Variants in ALMS1 observed in about 807,000 individuals in gnomAD.
ALMS1 encodes the protein centrosome-associated protein ALMS1.
In ALMS1, 271 loss-of-function variants were observed where a neutral mutation model predicts 352.2. That is an observed-to-expected ratio of 0.77 (90% CI 0.70 to 0.85). The LOEUF (loss-of-function observed/expected upper bound fraction) is 0.85, where lower values mean the gene tolerates loss of function less well. ALMS1 is among the 40% of genes least tolerant of loss of function. The pLI, the probability that ALMS1 is intolerant of heterozygous loss-of-function variation, is 0.00. For missense variants in ALMS1, 5,445 were observed against 4,870.7 expected (o/e 1.12, Z -3.51); for synonymous variants, 1,865 against 1,761.2 (o/e 1.06, Z -1.48).
At chr2:73,440,814 T>C (rs548251341) in intron 7 of ALMS1, among the ~76,000 whole-genome samples, 21 of 152,364 alleles carry the variant, frequency 1.4e-4, no homozygotes, top group African/African-American at 4.3e-4. Context: ...GATATTATGT[T>C]AGGAGACTTT....
chr2:73,482,564 C>G (rs1672734111), intron 9 of ALMS1, among the ~76,000 whole-genome samples: 1 of 152,096 alleles, frequency 6.6e-6, no homozygotes, highest in African/African-American at 2.4e-5. Context: ...CTCTGCCTGG[C>G]TTTGGTATCA....
intron 2 of ALMS1, among the ~76,000 whole-genome samples, chr2:73,409,820 A>G (rs7558613): frequency 0.044 from 6,719 of 152,274 alleles, 370 homozygotes; most frequent in African/African-American, 0.11. Flanking sequence ...AGAAGTCCCA[A>G]GATCTGCAAG....
At chr2:73,555,059 A>G (rs1264738597) in intron 13 of ALMS1, among the ~76,000 whole-genome samples, 1 of 152,234 alleles carries the variant, frequency 6.6e-6, no homozygotes, top group African/African-American at 2.4e-5. Context: ...AATAATAAAG[A>G]TGTCACTAAA....
At chr2:73,386,503 AGGAG>A (rs1302985394) in intron 1 of ALMS1, among the ~76,000 whole-genome samples, 3 of 152,142 alleles carry the variant, frequency 2.0e-5, no homozygotes, top group African/African-American at 7.2e-5. Flanking sequence ...CGAGCCTTGA[AGGAG>A]GGAAAAGGCG....
chr2:73,600,106 A>T (rs1055133279), intron 17 of ALMS1, among the ~76,000 whole-genome samples: 1 of 152,236 alleles, frequency 6.6e-6, no homozygotes, highest in Non-Finnish European at 1.5e-5. Context: ...ATACTACAAT[A>T]TGAATTTTTT....
intron 16 of ALMS1, among the ~76,000 whole-genome samples, chr2:73,593,754 C>T (rs1217778148): frequency 6.6e-6 from 1 of 152,200 alleles, no homozygotes; most frequent in Non-Finnish European, 1.5e-5. Flanking sequence ...CCCAGCCTCC[C>T]ACCTCTGCCA....
intron 9 of ALMS1, among the ~76,000 whole-genome samples, chr2:73,482,872 G>C (rs1366488251): frequency 6.6e-6 from 1 of 151,986 alleles, no homozygotes; most frequent in Non-Finnish European, 1.5e-5. Context: ...GCATAGAGGT[G>C]TTTGTAGTAT....
chr2:73,495,019 C>T (rs1673073807), intron 10 of ALMS1, among the ~76,000 whole-genome samples: 1 of 152,126 alleles, frequency 6.6e-6, no homozygotes, highest in Non-Finnish European at 1.5e-5. Flanking sequence ...GTTCTTCCCT[C>T]ATTTATTCCG....
At chr2:73,437,356 G>A (rs546265380) in intron 7 of ALMS1, among the ~76,000 whole-genome samples, 1 of 152,288 alleles carries the variant, frequency 6.6e-6, no homozygotes, top group African/African-American at 2.4e-5. Flanking sequence ...TGCCTCTCCT[G>A]GAGTGGACCC....
chr2:73,567,087 A>C (rs1466923935), intron 15 of ALMS1, among the ~76,000 whole-genome samples: 1 of 152,166 alleles, frequency 6.6e-6, no homozygotes, highest in Non-Finnish European at 1.5e-5. Flanking sequence ...GTGCCATTAC[A>C]TAGGCAATAT....
intron 9 of ALMS1, among the ~76,000 whole-genome samples, chr2:73,460,783 G>C (rs1207466490): frequency 6.6e-6 from 1 of 152,228 alleles, no homozygotes. Context: ...GGCACACCAG[G>C]AGATTATATC....
At chr2:73,600,548 G>T in intron 17 of ALMS1, 130 bp from the exon 18 acceptor site, 37 of 757,524 alleles carry the variant, frequency 4.9e-5, no homozygotes, top group South Asian at 2.2e-4. Context: ...CTCTCTCTTC[G>T]CATCCCTCCA....
intron 16 of ALMS1, among the ~76,000 whole-genome samples, chr2:73,584,691 T>C (rs1440650319): frequency 1.3e-5 from 2 of 152,220 alleles, no homozygotes; most frequent in African/African-American, 4.8e-5. Context: ...CATGGATAAG[T>C]TGTTTACTGG....
At position 73,609,798 on chromosome 2, in the gene ALMS1, T is replaced by C; in HGVS notation, c.*186T>C. On this transcript the variant is annotated 3_prime_UTR_variant, in exon 23 of 23. Coordinates refer to ENST00000613296, the MANE Select transcript of ALMS1 (RefSeq NM_001378454.1). ...ATTCCTAATGGTTTGGGAGCAATAC[T>C]TTCTGCATAGTGGCCTTGTCCAATG... 1 of 626,066 alleles carries C rather than the reference T, an allele frequency of 1.6e-6. No homozygotes were observed. Among genetic ancestry groups the C allele is most frequent in the Non-Finnish European group, 2.8e-6 (1 of 352,056 alleles). The allele number at this position is 626,066 out of a possible 1,614,324, so 38.8% of individuals were successfully genotyped here.
At chr2:73,566,355 C>A (rs186719172) in intron 15 of ALMS1, among the ~76,000 whole-genome samples, 144 of 152,294 alleles carry the variant, frequency 9.5e-4, no homozygotes, top group Admixed American at 2.0e-3. Context: ...ACTGCAGTAT[C>A]ATGACAGTCA....
intron 10 of ALMS1, among the ~76,000 whole-genome samples, chr2:73,509,347 T>A (rs1673402181): frequency 6.6e-6 from 1 of 152,178 alleles, no homozygotes; most frequent in Non-Finnish European, 1.5e-5. Context: ...ATAGTGTTGA[T>A]GGTCTTTACA....
At chr2:73,419,485 A>C (rs1671245435) in intron 3 of ALMS1, among the ~76,000 whole-genome samples, 167 bp downstream of exon 3, 1 of 152,162 alleles carries the variant, frequency 6.6e-6, no homozygotes, top group Non-Finnish European at 1.5e-5. Flanking sequence ...TTTACTGGCT[A>C]GCTGATCTAA....
At chr2:73,605,388 C>T (rs1186763222) in intron 21 of ALMS1, among the ~76,000 whole-genome samples, 3 of 152,218 alleles carry the variant, frequency 2.0e-5, no homozygotes, top group Non-Finnish European at 4.4e-5. Flanking sequence ...GCACAACTCC[C>T]TGGACCAGGA....
At chr2:73,393,743 T>C (rs1199694428) in intron 1 of ALMS1, among the ~76,000 whole-genome samples, 2 of 152,230 alleles carry the variant, frequency 1.3e-5, no homozygotes, top group Non-Finnish European at 2.9e-5. Flanking sequence ...CAGTTAGCCA[T>C]AGATATATGG....
Sources: gnomAD v4.1 joint callset for allele counts (sites outside exome capture counted in the v4.1 genomes callset) on GRCh38, gnomAD v4.1.1 for gene constraint, MANE v1.5 for transcripts, NCBI Gene and HGNC (gene_info 2026-07-23, HGNC 2026-07-21) for gene names.